The following ENOX2 variants were observed in gnomAD, a reference collection of about 807,000 sequenced individuals.
ENOX2 encodes the protein APK1 antigen.
ENOX2 carries 36 observed loss-of-function variants against 45.0 expected under a neutral mutation model. The ratio of observed to expected loss-of-function variants is 0.80; its 90% CI spans 0.61 to 1.06. The LOEUF is 1.06. Among genes scored for constraint, ENOX2 ranks in the 50% least tolerant of loss-of-function variants. The pLI is 0.00. For synonymous variants in ENOX2, 174 were observed against 152.3 expected (o/e 1.14, Z -1.05); for missense variants, 423 against 462.5 (o/e 0.91, Z 0.78).
intron 10 of ENOX2, among the ~76,000 whole-genome samples, chrX:130,641,380 C>T (rs2036076330): frequency 9.0e-6 from 1 of 111,535 alleles, no homozygotes; most frequent in African/African-American, 3.3e-5. Context: ...TCTGGATCTA[C>T]ATAAAGAAAG....
chrX:130,732,698 T>TCACACA (rs201498808), intron 3 of ENOX2, among the ~76,000 whole-genome samples: 27 of 99,952 alleles, frequency 2.7e-4, no homozygotes, highest in East Asian at 1.9e-3. Flanking sequence ...ATAAATCCAT[T>TCACACA]CACACACACA....
intron 3 of ENOX2, among the ~76,000 whole-genome samples, chrX:130,735,611 A>G (rs1297999233): frequency 8.9e-6 from 1 of 112,430 alleles, no homozygotes; most frequent in Non-Finnish European, 1.9e-5. Context: ...ACTGATTTCT[A>G]AAAAATTGGA....
chrX:130,637,813 G>A (rs773068644), intron 10 of ENOX2, among the ~76,000 whole-genome samples: 25 of 111,749 alleles, frequency 2.2e-4, no homozygotes, highest in Non-Finnish European at 3.8e-4. Flanking sequence ...ATTTCCTGCT[G>A]CTCTGTAGCT....
chrX:130,760,655 G>A (rs1270728018), intron 3 of ENOX2, among the ~76,000 whole-genome samples: 2 of 106,616 alleles, frequency 1.9e-5, no homozygotes, highest in African/African-American at 6.8e-5. Context: ...GCGTGGTGGT[G>A]GGTGCCTGTA....
chrX:130,834,244 G>C (rs1010352936), intron 2 of ENOX2, among the ~76,000 whole-genome samples: 12 of 111,103 alleles, frequency 1.1e-4, no homozygotes, highest in African/African-American at 3.9e-4. Context: ...CCTCCTCTCA[G>C]GTACTCAGGC....
At chrX:130,828,734 A>G (rs191390652) in intron 2 of ENOX2, among the ~76,000 whole-genome samples, 2 of 112,011 alleles carry the variant, frequency 1.8e-5, no homozygotes, top group Non-Finnish European at 1.9e-5. Flanking sequence ...TCAGTTATAA[A>G]TGAAATTATA....
rs760789664 is a variant in ENOX2, at chrX:130,813,820, G to A, written c.-182-30130C>T. 2.2e-4 allele frequency among the ~76,000 whole-genome samples: 25 copies of A among 112,011 alleles called. No individual in the cohort carries two copies. The South Asian group carries it at 7.9e-3, about 36-fold the overall frequency. On this transcript the variant is annotated intron_variant, in intron 2 of 14. Coordinates refer to ENST00000394363, the MANE Select transcript of ENOX2 (RefSeq NM_006375.4). The stretch of plus-strand genomic sequence containing the variant: ...CAGGATTTCAAGCATAAAAGTGGGC[G>A]GCCGTTTGGGCAGACACCGAACTAG...
chrX:130,750,301 T>A (rs1015356787), intron 3 of ENOX2, among the ~76,000 whole-genome samples: 2 of 110,912 alleles, frequency 1.8e-5, no homozygotes, highest in Non-Finnish European at 3.8e-5. Context: ...TAATACTTTG[T>A]CTCTTTTGTC....
chrX:130,796,684 C>A (rs2077134634), intron 2 of ENOX2, among the ~76,000 whole-genome samples: 1 of 111,589 alleles, frequency 9.0e-6, no homozygotes, highest in East Asian at 2.8e-4. Context: ...TTAATAGATT[C>A]CTTTGCTTTC....
At chrX:130,632,161 C>G (rs2035761464) in intron 12 of ENOX2, among the ~76,000 whole-genome samples, 1 of 110,631 alleles carries the variant, frequency 9.0e-6, no homozygotes, top group Admixed American at 9.7e-5. Flanking sequence ...AGCTTATATT[C>G]CACTGACAGT....
chrX:130,840,321 T>C (rs2077993219), intron 2 of ENOX2, among the ~76,000 whole-genome samples: 1 of 110,382 alleles, frequency 9.1e-6, no homozygotes, highest in South Asian at 3.8e-4. Context: ...TTATGCCTTA[T>C]GTTCAAATTA....
intron 2 of ENOX2, among the ~76,000 whole-genome samples, chrX:130,878,970 C>G (rs1196346523): frequency 8.9e-6 from 1 of 112,444 alleles, no homozygotes; most frequent in East Asian, 2.8e-4. Flanking sequence ...AGCTTATTGT[C>G]ATTTTTATTA....
chrX:130,679,137 G>A (rs1397462691), intron 6 of ENOX2, among the ~76,000 whole-genome samples: 1 of 111,583 alleles, frequency 9.0e-6, no homozygotes, highest in African/African-American at 3.3e-5. Flanking sequence ...AGAGGAGGGT[G>A]TGCTTGAGCT....
chrX:130,622,461 T>C lies in ENOX2; in HGVS notation c.*2853A>G, dbSNP rs1307166110. 8.9e-6 allele frequency among the ~76,000 whole-genome samples: 1 copy of C among 112,122 alleles called. No homozygotes were observed. Among genetic ancestry groups the C allele is most frequent in the African/African-American group, 3.2e-5 (1 of 30,818 alleles). ...CTATGAAAAATAACCTTCATTTGCA[T>C]TGAAGACATTTAACAAGCAACTTGG... On this transcript the variant is annotated 3_prime_UTR_variant, in exon 15 of 15. Coordinates refer to ENST00000394363, the MANE Select transcript of ENOX2 (RefSeq NM_006375.4).
rs1331485702 is a variant in ENOX2, at chrX:130,623,262, G to A, written c.*2052C>T. 1 of 111,642 alleles carries A rather than the reference G, an allele frequency of 9.0e-6. No homozygotes were observed. The highest frequency in any genetic ancestry group is 1.9e-5 in the Non-Finnish European group (1 of 53,173). 9.2% of individuals were successfully genotyped at this position (111,642 alleles called of 1,213,427 possible). A position where few individuals can be genotyped will look rare whatever the true frequency, so the allele number is the denominator to read the frequency against. ...CAGGAGTAACAGAAACAGACAATCT[G>A]CAATGTAAGTTGATTAAGTGAAGGA... On this transcript the variant is annotated 3_prime_UTR_variant, in exon 15 of 15. Coordinates refer to ENST00000394363, the MANE Select transcript of ENOX2 (RefSeq NM_006375.4).
intron 2 of ENOX2, among the ~76,000 whole-genome samples, chrX:130,854,152 C>A (rs2148523539): frequency 9.0e-6 from 1 of 110,893 alleles, no homozygotes; most frequent in East Asian, 2.8e-4. Flanking sequence ...CTTTAATGAG[C>A]AACTATGAAC....
chrX:130,654,670 G>A (rs2036499154), intron 10 of ENOX2, among the ~76,000 whole-genome samples: 1 of 112,073 alleles, frequency 8.9e-6, no homozygotes, highest in Non-Finnish European at 1.9e-5. Flanking sequence ...AAAATGAATT[G>A]AAACCTTCTG....
chrX:130,678,855 C>T (rs1272704410), intron 6 of ENOX2, among the ~76,000 whole-genome samples: 1 of 111,882 alleles, frequency 8.9e-6, no homozygotes, highest in African/African-American at 3.3e-5. Context: ...AAATATTTGA[C>T]AAATAACTGA....
At chrX:130,827,151 A>G (rs2077733793) in intron 2 of ENOX2, among the ~76,000 whole-genome samples, 1 of 112,273 alleles carries the variant, frequency 8.9e-6, no homozygotes, top group Non-Finnish European at 1.9e-5. Context: ...ATGCTAGGCC[A>G]GGGTTTCATC....
Sources: gnomAD v4.1 joint callset for allele counts (sites outside exome capture counted in the v4.1 genomes callset) on GRCh38, gnomAD v4.1.1 for gene constraint, MANE v1.5 for transcripts, NCBI Gene and HGNC (gene_info 2026-07-23, HGNC 2026-07-21) for gene names.